RANBP2: variants seen among roughly 807,000 people sequenced by gnomAD.
RANBP2 encodes the protein E3 SUMO-protein ligase RanBP2.
In RANBP2, 57 loss-of-function variants were observed where a neutral mutation model predicts 303.6. The ratio of observed to expected loss-of-function variants is 0.19; its 90% CI spans 0.15 to 0.23. The LOEUF (loss-of-function observed/expected upper bound fraction) is 0.23. RANBP2 is among the 10% of genes least tolerant of loss of function. RANBP2 has a pLI of 1.00. For synonymous variants in RANBP2, 1,167 were observed against 1,301.5 expected (o/e 0.90, Z 2.23); for missense variants, 3,138 against 3,780.8 (o/e 0.83, Z 4.46).
the RANBP2 span, among the ~76,000 whole-genome samples, chr2:108,936,698 C>T: frequency 1.3e-5 from 2 of 152,214 alleles, no homozygotes; most frequent in African/African-American, 4.8e-5. Context: ...GCTGAAAACA[C>T]TTCCATTTGA....
chr2:108,787,487 C>T (rs1002395482), downstream of RANBP2, among the ~76,000 whole-genome samples: 1 of 152,140 alleles, frequency 6.6e-6, no homozygotes, highest in South Asian at 2.1e-4. Context: ...AGGACGTTGT[C>T]TTTTAATAAC....
the RANBP2 span, among the ~76,000 whole-genome samples, chr2:109,522,002 C>T: frequency 6.6e-6 from 1 of 151,832 alleles, no homozygotes; most frequent in Non-Finnish European, 1.5e-5. Flanking sequence ...CCACGACTTA[C>T]ATGGGACAGC....
chr2:109,361,358 C>T, the RANBP2 span, among the ~76,000 whole-genome samples: 16 of 152,194 alleles, frequency 1.1e-4, no homozygotes, highest in South Asian at 2.1e-4. Context: ...ATTCTTTCTG[C>T]GAAGTATTGA....
chr2:109,230,414 T>TA, the RANBP2 span, among the ~76,000 whole-genome samples: 5,413 of 151,504 alleles, frequency 0.036, 152 homozygotes, highest in East Asian at 0.13. Flanking sequence ...CCATCTTTAC[T>TA]AAAAAAAATG....
chr2:109,454,793 C>A, the RANBP2 span, among the ~76,000 whole-genome samples: 1 of 152,024 alleles, frequency 6.6e-6, no homozygotes, highest in Non-Finnish European at 1.5e-5. Context: ...AAAAACATCT[C>A]GAAGCCTTAG....
At chr2:109,361,772 A>G in the RANBP2 span, among the ~76,000 whole-genome samples, 3 of 152,206 alleles carry the variant, frequency 2.0e-5, no homozygotes, top group African/African-American at 7.2e-5. Context: ...ATAAAGGCCT[A>G]TTGAATTATA....
the RANBP2 span, among the ~76,000 whole-genome samples, chr2:109,583,546 T>C: frequency 2.0e-5 from 3 of 152,210 alleles, no homozygotes; most frequent in Admixed American, 1.3e-4. Context: ...GGTGGGAATG[T>C]AAATTAATGC....
At chr2:109,540,750 A>G in the RANBP2 span, among the ~76,000 whole-genome samples, 16 of 146,830 alleles carry the variant, frequency 1.1e-4, no homozygotes, top group African/African-American at 2.8e-4. Flanking sequence ...GCAGTGAGCT[A>G]TAACTGTGCC....
chr2:109,544,148 C>T, the RANBP2 span: 1 of 1,549,130 alleles, frequency 6.5e-7, no homozygotes, highest in Admixed American at 1.9e-5. Flanking sequence ...ATGTATTGAC[C>T]TTGTACTTGA....
chr2:109,134,839 A>C, the RANBP2 span, among the ~76,000 whole-genome samples: 1 of 152,138 alleles, frequency 6.6e-6, no homozygotes, highest in Non-Finnish European at 1.5e-5. Context: ...TGTCTTGTAA[A>C]CCCACAGAGT....
chr2:109,497,090 T>C, the RANBP2 span, among the ~76,000 whole-genome samples: 1 of 152,354 alleles, frequency 6.6e-6, no homozygotes, highest in Admixed American at 6.5e-5. Context: ...TGAGACCACG[T>C]TGGAGTTCTG....
chr2:109,556,882 A>G, the RANBP2 span, among the ~76,000 whole-genome samples: 6 of 152,202 alleles, frequency 3.9e-5, no homozygotes, highest in Non-Finnish European at 8.8e-5. Context: ...GACATGGATG[A>G]AGCTGGAAAT....
the RANBP2 span, among the ~76,000 whole-genome samples, chr2:109,463,129 G>A: frequency 6.6e-6 from 1 of 152,190 alleles, no homozygotes. Flanking sequence ...TGATTGAAGG[G>A]TTGTGACTCT....
At chr2:109,605,851 C>G in the RANBP2 span, among the ~76,000 whole-genome samples, 2 of 152,122 alleles carry the variant, frequency 1.3e-5, no homozygotes, top group African/African-American at 4.8e-5. Context: ...CAGAAATTCT[C>G]TCAATGATCC....
the RANBP2 span, among the ~76,000 whole-genome samples, chr2:109,650,021 A>G: frequency 6.6e-6 from 1 of 152,230 alleles, no homozygotes; most frequent in African/African-American, 2.4e-5. Context: ...AAAGTTTCTC[A>G]GAACAGTCTC....
At chr2:109,493,835 AAGC>A in the RANBP2 span, among the ~76,000 whole-genome samples, 1 of 152,074 alleles carries the variant, frequency 6.6e-6, no homozygotes, top group Non-Finnish European at 1.5e-5. Context: ...ATTGTACATC[AAGC>A]AACCACATAA....
chr2:109,569,291 C>T, the RANBP2 span, among the ~76,000 whole-genome samples: 3 of 151,934 alleles, frequency 2.0e-5, no homozygotes, highest in Non-Finnish European at 2.9e-5. Flanking sequence ...ATTAGGTGGG[C>T]ATGGTGGCAC....
the RANBP2 span, among the ~76,000 whole-genome samples, chr2:109,189,378 T>TC: frequency 1.7e-4 from 26 of 150,994 alleles, no homozygotes; most frequent in Admixed American, 1.7e-3. Flanking sequence ...TTTTTTTTTT[T>TC]TTTCTTTTTT....
At chr2:109,588,580 G>A in the RANBP2 span, among the ~76,000 whole-genome samples, 2 of 151,800 alleles carry the variant, frequency 1.3e-5, no homozygotes, top group African/African-American at 4.8e-5. Flanking sequence ...TGCAACCTCC[G>A]CCCCCCAGGT....
Sources: allele counts gnomAD v4.1 joint callset (sites outside exome capture counted in the v4.1 genomes callset), GRCh38; gene constraint gnomAD v4.1.1; transcripts MANE v1.5; gene names NCBI Gene and HGNC (gene_info 2026-07-23, HGNC 2026-07-21).